The following GPC6 variants were observed in gnomAD, a reference collection of about 807,000 sequenced individuals.
GPC6 encodes glypican 6.
GPC6 carries 14 observed loss-of-function variants against 55.2 expected under a neutral mutation model. The observed-to-expected ratio is 0.25, with a 90% confidence interval of 0.17 to 0.40. GPC6 has a LOEUF of 0.40. GPC6 is among the 10% of genes least tolerant of loss of function. The pLI is 1.00. For synonymous variants in GPC6, 278 were observed against 259.6 expected, an observed-to-expected ratio of 1.07 and a Z score of -0.68; for missense variants, 641 against 708.5, an observed-to-expected ratio of 0.90 and a Z score of 1.08.
rs115727480 is a variant in GPC6 at position 93,916,561 on chromosome 13, G to A, written c.711+86016G>A. On this transcript the variant is annotated intron_variant, in intron 3 of 8. Transcript: ENST00000377047. ...TGTAGGAATGCCAGAAAGCACAAAA[G>A]AGCAACTGCCTGTAGCCTGCTGTTA... 4.6e-3 allele frequency among the ~76,000 whole-genome samples: 699 copies of A among 152,260 alleles called. 6 individuals are homozygous for A. The highest frequency in any genetic ancestry group is 0.016 in the African/African-American group (667 of 41,552).
chr13:93,248,314 A>G (rs1203107762), intron 1 of GPC6, among the ~76,000 whole-genome samples: 1 of 152,144 alleles, frequency 6.6e-6, no homozygotes, highest in Non-Finnish European at 1.5e-5. Flanking sequence ...CCATGATTTT[A>G]AAAAGCACAG....
intron 5 of GPC6, among the ~76,000 whole-genome samples, chr13:94,292,142 G>A (rs186117490): frequency 1.9e-4 from 29 of 152,030 alleles, no homozygotes; most frequent in Non-Finnish European, 3.5e-4. Context: ...TCCCTATTTC[G>A]CAAAGACAGA....
chr13:93,807,051 C>A (rs1052610496), intron 2 of GPC6, among the ~76,000 whole-genome samples: 1 of 152,098 alleles, frequency 6.6e-6, no homozygotes. Flanking sequence ...TCAAATGAAA[C>A]CATAAAACTG....
chr13:93,218,651 T>A, the GPC6 span, among the ~76,000 whole-genome samples: 1 of 152,174 alleles, frequency 6.6e-6, no homozygotes, highest in Admixed American at 6.5e-5. Flanking sequence ...TGCATAAAAA[T>A]CTTAATTGAA....
chr13:93,658,450 T>G (rs1338052380), intron 2 of GPC6, among the ~76,000 whole-genome samples: 1 of 151,940 alleles, frequency 6.6e-6, no homozygotes, highest in African/African-American at 2.4e-5. Flanking sequence ...ATGGGAAATT[T>G]TCAAACTGTT....
At chr13:93,903,528 A>T (rs528312015) in intron 3 of GPC6, among the ~76,000 whole-genome samples, 3 of 152,030 alleles carry the variant, frequency 2.0e-5, no homozygotes, top group African/African-American at 7.2e-5. Context: ...TTTTTTTTCC[A>T]TATCTTTGCT....
intron 2 of GPC6, among the ~76,000 whole-genome samples, chr13:93,725,042 C>T (rs1219001370): frequency 1.3e-5 from 2 of 151,928 alleles, no homozygotes; most frequent in Non-Finnish European, 2.9e-5. Context: ...ATGATGTAAC[C>T]TATACAGTTC....
At chr13:93,584,853 G>A (rs1445007536) in intron 2 of GPC6, among the ~76,000 whole-genome samples, 3 of 151,656 alleles carry the variant, frequency 2.0e-5, no homozygotes, top group South Asian at 4.2e-4. Context: ...CATGTTCAGC[G>A]AATTTTTTTA....
At chr13:94,009,783 T>G (rs1882168092) in intron 3 of GPC6, among the ~76,000 whole-genome samples, 1 of 152,138 alleles carries the variant, frequency 6.6e-6, no homozygotes, top group African/African-American at 2.4e-5. Flanking sequence ...AAGGCTCTCC[T>G]GAGAGTTATG....
intron 1 of GPC6, among the ~76,000 whole-genome samples, chr13:93,242,527 A>G (rs1049335274): frequency 6.6e-6 from 1 of 152,162 alleles, no homozygotes; most frequent in African/African-American, 2.4e-5. Context: ...ACCCAAGCCA[A>G]GCTCCTACAG....
intron 4 of GPC6, among the ~76,000 whole-genome samples, chr13:94,167,676 C>T (rs1282311020): frequency 3.3e-5 from 5 of 151,804 alleles, no homozygotes; most frequent in South Asian, 2.1e-4. Context: ...AGGAACAGCA[C>T]GTGCAATCAT....
intron 6 of GPC6, among the ~76,000 whole-genome samples, chr13:94,334,806 G>A (rs926862268): frequency 6.6e-5 from 10 of 152,116 alleles, no homozygotes; most frequent in East Asian, 1.9e-4. Flanking sequence ...ACCTTCCATC[G>A]GAAATCCAGC....
At chr13:94,359,304 T>A (rs1878948352) in intron 6 of GPC6, among the ~76,000 whole-genome samples, 1 of 152,206 alleles carries the variant, frequency 6.6e-6, no homozygotes, top group African/African-American at 2.4e-5. Context: ...CCTTTAATTA[T>A]ACTAAAAAGA....
chr13:93,883,457 A>T (rs921173014), intron 3 of GPC6, among the ~76,000 whole-genome samples: 1 of 151,912 alleles, frequency 6.6e-6, no homozygotes, highest in Non-Finnish European at 1.5e-5. Context: ...TTTATTTTTG[A>T]TAATGGCCAT....
chr13:93,260,110 T>C lies in GPC6; in HGVS notation c.160+32494T>C, dbSNP rs185106008. The stretch of plus-strand genomic sequence containing the variant: ...TGCAATGATTTTTTACTGTATTCTT[T>C]CAGTGACCAATTCATATCGAGAAAA... On this transcript the variant is annotated intron_variant, in intron 1 of 8. Coordinates refer to ENST00000377047, the MANE Select transcript of GPC6 (RefSeq NM_005708.5). 6.1e-3 allele frequency among the ~76,000 whole-genome samples: 936 copies of C among 152,284 alleles called. 6 individuals are homozygous for C. The highest frequency in any genetic ancestry group is 0.02 in the African/African-American group (830 of 41,566).
At position 94,275,349 on chromosome 13, in the gene GPC6, G is replaced by A. The variant is rs189998213; in HGVS notation, c.878-11000G>A. Among the ~76,000 whole-genome samples, 6 of 152,252 alleles carry A rather than the reference G, an allele frequency of 3.9e-5. No homozygotes were observed. The East Asian group carries it at 1.2e-3, about 29-fold the overall frequency. On this transcript the variant is annotated intron_variant, in intron 4 of 8. Transcript: ENST00000377047. ...TTAGAGAAAGCTTTTCTGAGACAGG[G>A]CATTTAGGTTGAGACCTGAAGAAAA...
chr13:93,500,414 G>T (rs1351185248), intron 1 of GPC6, among the ~76,000 whole-genome samples: 1 of 152,178 alleles, frequency 6.6e-6, no homozygotes, highest in African/African-American at 2.4e-5. Context: ...TTGAGGAACA[G>T]TTGGAGCCGG....
intron 1 of GPC6, among the ~76,000 whole-genome samples, chr13:93,258,444 C>G (rs115439221): frequency 6.6e-6 from 1 of 152,072 alleles, no homozygotes; most frequent in Admixed American, 6.6e-5. Flanking sequence ...TATGGATGGC[C>G]TTGGTGGTTT....
intron 5 of GPC6, among the ~76,000 whole-genome samples, chr13:94,288,748 TA>T (rs1467198802): frequency 7.5e-6 from 1 of 132,830 alleles, no homozygotes; most frequent in Non-Finnish European, 1.6e-5. Context: ...AATATATATA[TA>T]ATATATATAA....
Sources: gnomAD v4.1 joint callset for allele counts (sites outside exome capture counted in the v4.1 genomes callset) on GRCh38, gnomAD v4.1.1 for gene constraint, MANE v1.5 for transcripts, NCBI Gene and HGNC (gene_info 2026-07-23, HGNC 2026-07-21) for gene names.